Variants in DACH2 observed in about 807,000 individuals in gnomAD.
DACH2 encodes the protein dachshund homolog 2.
A neutral mutation model predicts 35.8 loss-of-function variants in DACH2; 17 were observed. The observed-to-expected ratio is 0.48, with a 90% CI of 0.33 to 0.71. DACH2 has a LOEUF of 0.71. Among genes scored for constraint, DACH2 ranks in the 30% least tolerant of loss-of-function variants. The probability of loss-of-function intolerance (pLI) is 0.02; values close to 1 mark genes in which losing one functional copy is unlikely to be tolerated. For missense variants in DACH2, 469 were observed against 472.7 expected (o/e 0.99, Z 0.07); for synonymous variants, 195 against 177.3 (o/e 1.10, Z -0.79).
chrX:86,277,934 C>A (rs1396865163), intron 1 of DACH2, among the ~76,000 whole-genome samples: 1 of 111,840 alleles, frequency 8.9e-6, no homozygotes, highest in Non-Finnish European at 1.9e-5. Context: ...TTCTCCTATT[C>A]TATGCAACAA....
intron 6 of DACH2, among the ~76,000 whole-genome samples, chrX:86,732,663 A>G (rs1309520497): frequency 8.9e-6 from 1 of 112,253 alleles, no homozygotes; most frequent in Admixed American, 9.5e-5. Context: ...TAGTGTTAAC[A>G]TAGGCCTAAG....
rs374081288 is a variant in DACH2 at position 86,186,493 on chromosome X, T to C, written c.488+37385T>C. On this transcript the variant is annotated intron_variant, in intron 1 of 11. Transcript: ENST00000373125. ...AATAGAATCATTGAGCCTACCATTGTTCTGTTTCCCTTGTCTACTGCCTTT... is the reference window on the plus strand; with the variant it reads ...AATAGAATCATTGAGCCTACCATTGCTCTGTTTCCCTTGTCTACTGCCTTT... 3.6e-5 allele frequency among the ~76,000 whole-genome samples: 4 copies of C among 112,406 alleles called. No individual in the cohort carries two copies. The East Asian group carries it at 1.1e-3, about 31-fold the overall frequency.
At chrX:86,613,629 C>A (rs1034071329) in intron 3 of DACH2, among the ~76,000 whole-genome samples, 9 of 111,431 alleles carry the variant, frequency 8.1e-5, no homozygotes, top group African/African-American at 2.9e-4. Flanking sequence ...CCTACCTTGG[C>A]AGAACCTCAT....
At chrX:86,383,509 T>A (rs191663445) in intron 2 of DACH2, among the ~76,000 whole-genome samples, 118 of 103,764 alleles carry the variant, frequency 1.1e-3, no homozygotes, top group African/African-American at 4.0e-3. Context: ...TGTTATCTTT[T>A]ATCAGAAAAA....
At chrX:86,327,039 T>C (rs1279204362) in intron 1 of DACH2, among the ~76,000 whole-genome samples, 4 of 111,943 alleles carry the variant, frequency 3.6e-5, no homozygotes, top group Non-Finnish European at 7.5e-5. Flanking sequence ...TCTGTATGAG[T>C]GGATGAAAAT....
At chrX:86,686,445 A>G (rs2040944588) in intron 4 of DACH2, among the ~76,000 whole-genome samples, 1 of 109,761 alleles carries the variant, frequency 9.1e-6, no homozygotes, top group African/African-American at 3.3e-5. Context: ...GTTGGCCAAG[A>G]TGGTCTTGAT....
At chrX:86,331,434 A>G (rs766576136) in intron 1 of DACH2, among the ~76,000 whole-genome samples, 67 of 110,549 alleles carry the variant, frequency 6.1e-4, no homozygotes, top group Admixed American at 1.9e-3. Context: ...TATTAAATAC[A>G]CTAAATTAGA....
intron 3 of DACH2, among the ~76,000 whole-genome samples, chrX:86,597,390 C>A (rs1478115461): frequency 8.9e-6 from 1 of 111,918 alleles, no homozygotes; most frequent in Non-Finnish European, 1.9e-5. Context: ...TAATCTCAAA[C>A]TACTTTCTAA....
At chrX:86,428,997 A>G in intron 2 of DACH2, among the ~76,000 whole-genome samples, 1 of 111,409 alleles carries the variant, frequency 9.0e-6, no homozygotes, top group Non-Finnish European at 1.9e-5. Flanking sequence ...TGGAGACTTA[A>G]AAGCCCAGCA....
At chrX:86,807,936 C>T (rs1387834791) in intron 7 of DACH2, among the ~76,000 whole-genome samples, 1 of 111,908 alleles carries the variant, frequency 8.9e-6, no homozygotes, top group African/African-American at 3.2e-5. Context: ...ATTTGAGCAA[C>T]GAAGCTTTTC....
At chrX:86,782,441 T>G (rs1602942773) in intron 7 of DACH2, among the ~76,000 whole-genome samples, 1 of 111,720 alleles carries the variant, frequency 9.0e-6, no homozygotes, top group East Asian at 2.8e-4. Context: ...TTGTAAGAAC[T>G]TAATTGTAAG....
At chrX:86,290,033 C>T (rs1306106789) in intron 1 of DACH2, among the ~76,000 whole-genome samples, 22 of 93,688 alleles carry the variant, frequency 2.3e-4, no homozygotes, top group African/African-American at 8.5e-4. Context: ...TTTACAGTCC[C>T]ACCAACAGTG....
chrX:86,237,249 G>C (rs1035322880), intron 1 of DACH2, among the ~76,000 whole-genome samples: 6 of 110,880 alleles, frequency 5.4e-5, no homozygotes, highest in South Asian at 7.6e-4. Flanking sequence ...ATCTGCCTAG[G>C]GCTGTTTTAC....
chrX:86,577,565 TG>T (rs1481917134), intron 3 of DACH2, among the ~76,000 whole-genome samples: 1 of 111,815 alleles, frequency 8.9e-6, no homozygotes, highest in Non-Finnish European at 1.9e-5. Flanking sequence ...TTAAAATATT[TG>T]TTTGGTCTTT....
chrX:86,493,497 C>T (rs1436003654), intron 2 of DACH2, among the ~76,000 whole-genome samples: 1 of 111,679 alleles, frequency 9.0e-6, no homozygotes, highest in Non-Finnish European at 1.9e-5. Flanking sequence ...TTAATAACTG[C>T]CAAATTATTA....
intron 1 of DACH2, among the ~76,000 whole-genome samples, chrX:86,247,844 T>C (rs188050560): frequency 9.0e-6 from 1 of 111,300 alleles, no homozygotes; most frequent in Non-Finnish European, 1.9e-5. Flanking sequence ...AAATCCATCA[T>C]GATCAAGTAG....
intron 4 of DACH2, among the ~76,000 whole-genome samples, chrX:86,668,237 C>T (rs896570190): frequency 1.8e-5 from 2 of 111,996 alleles, no homozygotes; most frequent in Non-Finnish European, 3.8e-5. Flanking sequence ...TAGAACATAA[C>T]GAGATACCTC....
chrX:86,285,339 C>T (rs1445919411), intron 1 of DACH2, among the ~76,000 whole-genome samples: 2 of 111,433 alleles, frequency 1.8e-5, no homozygotes, highest in Admixed American at 1.9e-4. Context: ...CTTAGTACTG[C>T]TATTACTGTA....
chrX:86,247,007 A>C (rs1602320235), intron 1 of DACH2, among the ~76,000 whole-genome samples: 2 of 111,978 alleles, frequency 1.8e-5, no homozygotes, highest in African/African-American at 6.5e-5. Context: ...ATGAAAAACA[A>C]AATAAAAGCA....
Sources: gnomAD v4.1 joint callset for allele counts (sites outside exome capture counted in the v4.1 genomes callset) on GRCh38, gnomAD v4.1.1 for gene constraint, MANE v1.5 for transcripts, NCBI Gene and HGNC (gene_info 2026-07-23, HGNC 2026-07-21) for gene names.